Variants in TXNDC11 observed in about 807,000 individuals in gnomAD.
TXNDC11 encodes the protein thioredoxin domain containing 11, also known as thioredoxin domain-containing protein 11.
In TXNDC11, 68 loss-of-function variants were observed where a neutral mutation model predicts 78.0. That is an observed-to-expected ratio of 0.87 (90% CI 0.72 to 1.07). The LOEUF (loss-of-function observed/expected upper bound fraction) is 1.07, where lower values mean the gene tolerates loss of function less well. Among genes scored for constraint, TXNDC11 ranks in the 50% least tolerant of loss-of-function variants. The pLI, the probability that TXNDC11 is intolerant of heterozygous loss-of-function variation, is 0.00. For missense variants in TXNDC11, 1,389 were observed against 1,221.8 expected, an observed-to-expected ratio of 1.14 and a Z score of -2.04; for synonymous variants, 571 against 495.2, an observed-to-expected ratio of 1.15 and a Z score of -2.03.
chr16:11,679,523 C>G lies in TXNDC11; in HGVS notation c.2549G>C (p.Ser850Thr). ...QQQRALEEQH[S>T]LLHAHSEQLQ... Reference sequence around the variant, plus strand: ...CTGCTCACTGTGTGCGTGGAGCAGGCTGTGCTGCTCTTCCAGGGCCCGCTG... The same window carrying G: ...CTGCTCACTGTGTGCGTGGAGCAGGGTGTGCTGCTCTTCCAGGGCCCGCTG... The change falls in exon 12 of 12, where the codon AGC becomes ACC. Residue 850 changes from serine to threonine, a missense_variant. By Grantham distance (58) the Ser-to-Thr change is moderately conservative. Coordinates refer to ENST00000283033, the MANE Select transcript of TXNDC11 (RefSeq NM_015914.7). This position sits in a 1 kb window ranked among gnomAD's most constrained non-coding sequence, Gnocchi z 4.6. The G allele has an allele frequency of 6.2e-7, 1 of 1,613,352 alleles. No individual in the cohort carries two copies. Among genetic ancestry groups the G allele is most frequent in the Non-Finnish European group, 8.5e-7 (1 of 1,180,024 alleles).
Position 11,691,732 on chromosome 16 carries a change from T to A in TXNDC11, c.1458A>T (p.Ala486=). ...AATTGCTGCATTCTATGCTGTCTGATGCCACATGATAAAAGGTCTGCTCCT... is the reference window on the plus strand; with the variant it reads ...AATTGCTGCATTCTATGCTGTCTGAAGCCACATGATAAAAGGTCTGCTCCT... ...YLKEQTFYHV[A]SDSIECSNFL... Residue 486 remains alanine, a synonymous_variant, in exon 8 of 12, where the codon GCA becomes GCT. Transcript: ENST00000283033. The A allele has an allele frequency of 6.2e-7, 1 of 1,614,244 alleles. No individual in the cohort carries two copies. Among genetic ancestry groups the A allele is most frequent in the Non-Finnish European group, 8.5e-7 (1 of 1,180,052 alleles).
Position 11,702,110 on chromosome 16 carries a change from A to G in TXNDC11, c.794-1546T>C, listed in dbSNP as rs538617352. On this transcript the variant is annotated intron_variant, in intron 5 of 11. Transcript: ENST00000283033. ...TGTATGTGTATATATATATATATAT[A>G]TATGTTTTTTCCCCTACAGGCACAT... 4.7e-4 allele frequency among the ~76,000 whole-genome samples: 71 copies of G among 151,390 alleles called. No homozygotes were observed. In the East Asian group the frequency reaches 0.01, roughly 22 times the overall value.
intron 1 of TXNDC11, 41 bp downstream of exon 1, chr16:11,742,436 G>A: frequency 1.5e-6 from 2 of 1,359,172 alleles, no homozygotes; most frequent in Non-Finnish European, 1.9e-6. Flanking sequence ...GCAGAGCAAG[G>A]GGAGCGCCCT....
At chr16:11,680,179 C>T (rs1194629064) in intron 11 of TXNDC11, among the ~76,000 whole-genome samples, 2 of 152,194 alleles carry the variant, frequency 1.3e-5, no homozygotes, top group East Asian at 3.8e-4. Context: ...TCTGTGTGCT[C>T]GGAGATGCCC....
intron 5 of TXNDC11, among the ~76,000 whole-genome samples, chr16:11,704,915 C>T (rs1597444609): frequency 6.8e-6 from 1 of 147,150 alleles, no homozygotes; most frequent in Non-Finnish European, 1.5e-5. Flanking sequence ...CTTTTTCTTT[C>T]TTTTTTTTTT....
intron 5 of TXNDC11, among the ~76,000 whole-genome samples, chr16:11,714,589 G>A (rs891106995): frequency 6.6e-5 from 10 of 151,836 alleles, no homozygotes; most frequent in Non-Finnish European, 1.2e-4. Flanking sequence ...GCAGTGAGCC[G>A]AGATCGCGCG....
At chr16:11,737,964 T>G (rs1292040981) in intron 1 of TXNDC11, among the ~76,000 whole-genome samples, 2 of 149,670 alleles carry the variant, frequency 1.3e-5, no homozygotes, top group African/African-American at 5.0e-5. Context: ...ATCTTAAATA[T>G]AAAGACACAG....
At chr16:11,736,305 T>G in intron 1 of TXNDC11, 72 bp from the exon 2 acceptor site, 2 of 1,262,542 alleles carry the variant, frequency 1.6e-6, no homozygotes, top group Admixed American at 2.1e-5. Context: ...GGAAGTAGAA[T>G]GAAGCTTAAA....
At position 11,728,606 on chromosome 16, in the gene TXNDC11, T is replaced by C. The variant is rs72782708; in HGVS notation, c.699+2039A>G. Among the ~76,000 whole-genome samples, 1,451 of 152,310 alleles carry C rather than the reference T, an allele frequency of 9.5e-3. 19 individuals are homozygous for C. Among genetic ancestry groups the C allele is most frequent in the Non-Finnish European group, 0.012 (814 of 68,022 alleles). On this transcript the variant is annotated intron_variant, in intron 4 of 11. Coordinates refer to ENST00000283033, the MANE Select transcript of TXNDC11 (RefSeq NM_015914.7). ...AGCAGTAATGTCGTCAGTAGATTAG[T>C]GAGTCTAACATGAACTCCACACCAA...
At position 11,692,072 on chromosome 16, in the gene TXNDC11, A is replaced by G. The variant is rs1005137885; in HGVS notation, c.1118T>C (p.Val373Ala). Residue 373 changes from valine to alanine, a missense_variant, in exon 8 of 12, where the codon GTG (valine) becomes GCG (alanine). Physicochemically the swap from Val to Ala is moderately conservative, Grantham distance 64. Coordinates refer to ENST00000283033, the MANE Select transcript of TXNDC11 (RefSeq NM_015914.7). ...SHPLIDEITE[V>A]ALEYNNCHGD... ...ATGACAGTTGTTGTACTCCAAGGCC[A>G]CTTCGGTGATCTGAAATACAGGGCA... The G allele has an allele frequency of 2.0e-6, 3 of 1,522,828 alleles. No individual in the cohort carries two copies. In the South Asian group the frequency reaches 4.0e-5, roughly 20 times the overall value. 94.3% of individuals were successfully genotyped at this position (1,522,828 alleles called of 1,614,324 possible). A position where few individuals can be genotyped will look rare whatever the true frequency, so the allele number is the denominator to read the frequency against.
chr16:11,694,147 T>C (rs1459289531), intron 7 of TXNDC11, among the ~76,000 whole-genome samples: 1 of 142,254 alleles, frequency 7.0e-6, no homozygotes, highest in East Asian at 2.1e-4. Context: ...TTCACTCTTG[T>C]TGCCCAGGCC....
chr16:11,690,413 T>C (rs949570292), intron 8 of TXNDC11, among the ~76,000 whole-genome samples: 1 of 152,234 alleles, frequency 6.6e-6, no homozygotes, highest in Non-Finnish European at 1.5e-5. Flanking sequence ...CTTGTTACAG[T>C]GTAGGTACCC....
At chr16:11,723,769 C>T (rs1339431245) in intron 4 of TXNDC11, among the ~76,000 whole-genome samples, 1 of 152,124 alleles carries the variant, frequency 6.6e-6, no homozygotes, top group Non-Finnish European at 1.5e-5. Flanking sequence ...CTCTCTTCTT[C>T]CCCCTAAAAG....
chr16:11,729,292 A>C (rs1597487879), intron 4 of TXNDC11, among the ~76,000 whole-genome samples: 1 of 152,092 alleles, frequency 6.6e-6, no homozygotes, highest in Non-Finnish European at 1.5e-5. Flanking sequence ...TATAGCCCTC[A>C]CCCACCAGCC....
At chr16:11,704,810 T>C (rs1383193125) in intron 5 of TXNDC11, among the ~76,000 whole-genome samples, 1 of 152,110 alleles carries the variant, frequency 6.6e-6, no homozygotes, top group East Asian at 1.9e-4. Context: ...GATCCCAGAC[T>C]GGATCCTGAA....
chr16:11,701,512 G>C (rs181495467), intron 5 of TXNDC11, among the ~76,000 whole-genome samples: 7 of 152,242 alleles, frequency 4.6e-5, no homozygotes, highest in Non-Finnish European at 7.4e-5. Context: ...ACCTACAGAA[G>C]TGCCGGGGTG....
At chr16:11,685,922 C>A (rs2050556354) in intron 10 of TXNDC11, among the ~76,000 whole-genome samples, 1 of 152,002 alleles carries the variant, frequency 6.6e-6, no homozygotes. Context: ...TAAATAAGGC[C>A]CCCCTTTCTT....
chr16:11,726,480 TGAGGCAG>T (rs1460644887), intron 4 of TXNDC11, among the ~76,000 whole-genome samples: 1 of 148,956 alleles, frequency 6.7e-6, no homozygotes, highest in Non-Finnish European at 1.5e-5. Context: ...CTCAGGAGGC[TGAGGCAG>T]GAGAATCACT....
rs573623356 is a variant in TXNDC11 at position 11,728,005 on chromosome 16, C to T, written c.699+2640G>A. Among the ~76,000 whole-genome samples the T allele has an allele frequency of 2.6e-5, 4 of 152,256 alleles. No individual in the cohort carries two copies. The East Asian group carries it at 5.8e-4, about 22-fold the overall frequency. Reference sequence around the variant, plus strand: ...ATATTGCTAAATATCCTACAAACCACAGGACAGCCCCCCAAAACACAGAAT... The same window carrying T: ...ATATTGCTAAATATCCTACAAACCATAGGACAGCCCCCCAAAACACAGAAT... On this transcript the variant is annotated intron_variant, in intron 4 of 11. Coordinates refer to ENST00000283033, the MANE Select transcript of TXNDC11 (RefSeq NM_015914.7).
Sources: gnomAD v4.1 joint callset for allele counts (sites outside exome capture counted in the v4.1 genomes callset) on GRCh38, gnomAD v4.1.1 for gene constraint, Gnocchi (gnomAD v3.1) non-coding constraint, MANE v1.5 for transcripts, NCBI Gene and HGNC (gene_info 2026-07-23, HGNC 2026-07-21) for gene names.